The following JAM3 variants were observed in gnomAD, a reference collection of about 807,000 sequenced individuals.
JAM3 encodes junctional adhesion molecule 3.
A neutral mutation model predicts 39.4 loss-of-function variants in JAM3; 31 were observed. That is an observed-to-expected ratio of 0.79 (90% confidence interval 0.59 to 1.06). The LOEUF is 1.06. Among genes scored for constraint, JAM3 ranks in the 50% least tolerant of loss-of-function variants. The pLI is 0.00. For synonymous variants in JAM3, 182 were observed against 148.7 expected, an observed-to-expected ratio of 1.22 and a Z score of -1.63; for missense variants, 455 against 391.4, an observed-to-expected ratio of 1.16 and a Z score of -1.37.
chr11:134,085,044 C>T (rs961288174), intron 1 of JAM3, among the ~76,000 whole-genome samples: 5 of 152,176 alleles, frequency 3.3e-5, no homozygotes, highest in Non-Finnish European at 7.3e-5. Context: ...CAGGAATACT[C>T]TGCCATCTTA....
intron 1 of JAM3, among the ~76,000 whole-genome samples, chr11:134,103,408 A>C (rs1442613603): frequency 6.6e-6 from 1 of 152,228 alleles, no homozygotes; most frequent in African/African-American, 2.4e-5. Context: ...CTGCAAAAAC[A>C]TGCCAAATTG....
chr11:134,118,848 G>T (rs1427586190), intron 1 of JAM3, among the ~76,000 whole-genome samples: 2 of 152,144 alleles, frequency 1.3e-5, no homozygotes, highest in African/African-American at 2.4e-5. Context: ...TGAGAGCGGG[G>T]TTGGTTAACG....
At chr11:134,070,697 C>T (rs375026340) in intron 1 of JAM3, among the ~76,000 whole-genome samples, 1 of 152,214 alleles carries the variant, frequency 6.6e-6, no homozygotes. Context: ...AAGATCTGTT[C>T]ACGTGAAAGT....
intron 1 of JAM3, among the ~76,000 whole-genome samples, chr11:134,090,216 G>A: frequency 6.6e-6 from 1 of 152,232 alleles, no homozygotes; most frequent in East Asian, 1.9e-4. Flanking sequence ...CCCTTTGTCA[G>A]ATGAGTAGAT....
chr11:134,127,582 C>T (rs1415749616), intron 1 of JAM3, among the ~76,000 whole-genome samples: 1 of 152,146 alleles, frequency 6.6e-6, no homozygotes, highest in Non-Finnish European at 1.5e-5. Flanking sequence ...TGTCTGTAGT[C>T]CCAGCTACTC....
intron 1 of JAM3, among the ~76,000 whole-genome samples, chr11:134,091,693 G>C (rs1941858572): frequency 6.6e-6 from 1 of 151,948 alleles, no homozygotes; most frequent in East Asian, 1.9e-4. Flanking sequence ...TGGAGGGGCA[G>C]AGACAAGTTA....
intron 3 of JAM3, among the ~76,000 whole-genome samples, chr11:134,143,997 G>A (rs1269225948): frequency 5.3e-5 from 8 of 152,056 alleles, no homozygotes; most frequent in African/African-American, 1.7e-4. Context: ...TTTTAATGAC[G>A]GAGACACATG....
intron 1 of JAM3, among the ~76,000 whole-genome samples, chr11:134,073,729 T>C (rs531043516): frequency 6.6e-6 from 1 of 152,366 alleles, no homozygotes; most frequent in East Asian, 1.9e-4. Flanking sequence ...CATTGTATTT[T>C]CTCAATGATA....
intron 1 of JAM3, among the ~76,000 whole-genome samples, chr11:134,082,441 A>G (rs1431165820): frequency 6.6e-6 from 1 of 152,154 alleles, no homozygotes; most frequent in Non-Finnish European, 1.5e-5. Flanking sequence ...CTCATCTTGT[A>G]GCTCCCATAA....
chr11:134,074,987 CTTTTTTTT>C (rs57613157), intron 1 of JAM3, among the ~76,000 whole-genome samples: 1 of 124,488 alleles, frequency 8.0e-6, no homozygotes, highest in Non-Finnish European at 1.7e-5. Flanking sequence ...AAGACAGCTG[CTTTTTTTT>C]TTTTTTTTTT....
At chr11:134,104,663 TAAAG>T (rs1942146647) in intron 1 of JAM3, among the ~76,000 whole-genome samples, 1 of 152,020 alleles carries the variant, frequency 6.6e-6, no homozygotes, top group Non-Finnish European at 1.5e-5. Context: ...TAAAAAATGA[TAAAG>T]GAGATATCGC....
At chr11:134,111,325 G>C (rs1591788882) in intron 1 of JAM3, among the ~76,000 whole-genome samples, 2 of 151,354 alleles carry the variant, frequency 1.3e-5, no homozygotes, top group Admixed American at 1.3e-4. Flanking sequence ...TTGTTTTTTA[G>C]TAGAGACAGG....
intron 1 of JAM3, among the ~76,000 whole-genome samples, chr11:134,105,679 G>A (rs960171593): frequency 4.0e-5 from 6 of 150,962 alleles, no homozygotes; most frequent in Non-Finnish European, 5.9e-5. Context: ...TCAATGTCCA[G>A]ACATCACAAG....
intron 1 of JAM3, among the ~76,000 whole-genome samples, chr11:134,139,431 G>A (rs1018404979): frequency 6.6e-6 from 1 of 152,224 alleles, no homozygotes; most frequent in South Asian, 2.1e-4. Context: ...CAGCCCAAGA[G>A]TCTGGCCCAT....
At chr11:134,077,404 C>G (rs1246741570) in intron 1 of JAM3, among the ~76,000 whole-genome samples, 2 of 148,242 alleles carry the variant, frequency 1.3e-5, no homozygotes, top group African/African-American at 5.0e-5. Flanking sequence ...GCTTTTGTTG[C>G]CCAGGCTGGA....
chr11:134,079,314 C>G (rs1941625801), intron 1 of JAM3, among the ~76,000 whole-genome samples: 2 of 152,172 alleles, frequency 1.3e-5, no homozygotes, highest in Non-Finnish European at 2.9e-5. Flanking sequence ...GAAACAGCAC[C>G]TACTTAGTCT....
intron 1 of JAM3, among the ~76,000 whole-genome samples, chr11:134,100,673 C>G (rs887297964): frequency 6.6e-6 from 1 of 152,116 alleles, no homozygotes; most frequent in Non-Finnish European, 1.5e-5. Flanking sequence ...TGCGTCAGGT[C>G]CTGTACTCAG....
chr11:134,148,963 C>T (rs1943133149), intron 8 of JAM3, 145 bp downstream of exon 8: 15 of 662,402 alleles, frequency 2.3e-5, no homozygotes, highest in South Asian at 4.2e-5. Flanking sequence ...GTAACACACA[C>T]ACACACACAC....
chr11:134,140,674 A>G lies in JAM3; in HGVS notation c.160A>G (p.Ile54Val). The G allele has an allele frequency of 3.1e-6, 5 of 1,613,650 alleles. No homozygotes were observed. The highest frequency in any genetic ancestry group is 3.4e-6 in the Non-Finnish European group (4 of 1,179,740). ...QEFESVELSCIITDSQTSDPR... is the reference protein window; with the variant it reads ...QEFESVELSCVITDSQTSDPR... The stretch of plus-strand genomic sequence containing the variant: ...CGTGTTAGGTGTGGAACTGTCTTGC[A>G]TCATTACGGATTCGCAGACAAGTGA... The change falls in exon 3 of 9, where the codon ATC (isoleucine) becomes GTC (valine). Residue 54 changes from isoleucine (I) to valine (V), a missense_variant. Transcript: ENST00000299106.
Sources: allele counts gnomAD v4.1 joint callset (sites outside exome capture counted in the v4.1 genomes callset), GRCh38; gene constraint gnomAD v4.1.1; transcripts MANE v1.5; gene names NCBI Gene and HGNC (gene_info 2026-07-23, HGNC 2026-07-21).